RERE: variants seen among roughly 807,000 people sequenced by gnomAD.
RERE encodes arginine-glutamic acid dipeptide repeats protein.
RERE carries 40 observed loss-of-function variants against 146.1 expected under a neutral mutation model. The ratio of observed to expected loss-of-function variants is 0.27; its 90% CI spans 0.21 to 0.36. The LOEUF is 0.36. Among genes scored for constraint, RERE ranks in the 10% least tolerant of loss-of-function variants. The pLI, the probability that RERE is intolerant of heterozygous loss-of-function variation, is 1.00. For missense variants in RERE, 1,933 were observed against 2,138.7 expected, an observed-to-expected ratio of 0.90 and a Z score of 1.90; for synonymous variants, 1,003 against 866.0, an observed-to-expected ratio of 1.16 and a Z score of -2.78.
At chr1:8,499,511 T>G (rs1645100499) in intron 8 of RERE, among the ~76,000 whole-genome samples, 2 of 152,220 alleles carry the variant, frequency 1.3e-5, no homozygotes, top group Admixed American at 1.3e-4. Context: ...ACCCAGTGTG[T>G]GTACATCCTC....
At chr1:8,815,411 G>C (rs1291250339) in intron 1 of RERE, among the ~76,000 whole-genome samples, 1 of 152,104 alleles carries the variant, frequency 6.6e-6, no homozygotes, top group Non-Finnish European at 1.5e-5. Context: ...TAAGACTCAA[G>C]TGAACAAATC....
intron 12 of RERE, among the ~76,000 whole-genome samples, chr1:8,409,533 TTTACCTTAAAATCCAGGGC>T (rs1477583465): frequency 6.6e-6 from 1 of 152,176 alleles, no homozygotes; most frequent in African/African-American, 2.4e-5. Flanking sequence ...AAGCAATGAT[TTTACCTTAAAATCCAGGGC>T]TCCTAGGCCA....
intron 6 of RERE, among the ~76,000 whole-genome samples, chr1:8,555,735 A>G (rs1645999751): frequency 6.6e-6 from 1 of 152,224 alleles, no homozygotes. Context: ...AAAATGAGCC[A>G]TTATGGGCAT....
chr1:8,705,983 G>A (rs543984690), intron 1 of RERE, among the ~76,000 whole-genome samples: 1 of 151,992 alleles, frequency 6.6e-6, no homozygotes, highest in South Asian at 2.1e-4. Context: ...GGGCGTGGTG[G>A]CGGCCACCTG....
At chr1:8,562,556 A>T (rs1646091115) in intron 4 of RERE, among the ~76,000 whole-genome samples, 1 of 152,096 alleles carries the variant, frequency 6.6e-6, no homozygotes, top group Non-Finnish European at 1.5e-5. Flanking sequence ...TGGCACCATC[A>T]TGGCTCACTG....
intron 6 of RERE, among the ~76,000 whole-genome samples, chr1:8,544,043 C>G (rs1383613882): frequency 6.6e-6 from 1 of 152,104 alleles, no homozygotes; most frequent in Non-Finnish European, 1.5e-5. Flanking sequence ...GGAAATGTCT[C>G]TCATGTGTTC....
At chr1:8,725,781 T>G (rs1230789660) in intron 1 of RERE, among the ~76,000 whole-genome samples, 1 of 152,096 alleles carries the variant, frequency 6.6e-6, no homozygotes, top group African/African-American at 2.4e-5. Context: ...AGGATTAGAT[T>G]TCCCTGAAAA....
At chr1:8,551,220 T>C (rs931130292) in intron 6 of RERE, among the ~76,000 whole-genome samples, 1 of 152,208 alleles carries the variant, frequency 6.6e-6, no homozygotes, top group Non-Finnish European at 1.5e-5. Context: ...TCTCCTGTGC[T>C]GCCCTCCACA....
intron 1 of RERE, among the ~76,000 whole-genome samples, chr1:8,671,876 G>A (rs779811379): frequency 6.6e-6 from 1 of 152,122 alleles, no homozygotes; most frequent in South Asian, 2.1e-4. Context: ...TTTAAAGTAA[G>A]TGATATGAAA....
Position 8,356,059 on chromosome 1 carries a change from C to T in RERE, c.4486+41G>A, listed in dbSNP as rs756577579. The T allele has an allele frequency of 2.1e-6, 3 of 1,459,372 alleles. No homozygotes were observed. Among genetic ancestry groups the T allele is most frequent in the Non-Finnish European group, 2.7e-6 (3 of 1,108,086 alleles). The allele number at this position is 1,459,372 out of a possible 1,614,324, so 90.4% of individuals were successfully genotyped here. A position where few individuals can be genotyped will look rare whatever the true frequency, so the allele number is the denominator to read the frequency against. The stretch of plus-strand genomic sequence containing the variant: ...CAGCAGACCAGACCCCAACCCAACC[C>T]TCACACGGCCTCCCCGCCCCTCCTG... On this transcript the variant is annotated intron_variant, in intron 21 of 22. Transcript: ENST00000400908. The surrounding 1 kb of genome is among the most constrained non-coding windows in gnomAD (Gnocchi z 5.2).
At chr1:8,782,647 T>C (rs1175601611) in intron 1 of RERE, among the ~76,000 whole-genome samples, 1 of 152,232 alleles carries the variant, frequency 6.6e-6, no homozygotes, top group African/African-American at 2.4e-5. Flanking sequence ...GGCTCACACC[T>C]GTAATCCCAG....
intron 1 of RERE, among the ~76,000 whole-genome samples, chr1:8,693,790 T>C (rs1197874964): frequency 1.3e-5 from 2 of 152,116 alleles, no homozygotes; most frequent in Admixed American, 6.5e-5. Flanking sequence ...ACAATAACAA[T>C]GTACCAAACT....
chr1:8,402,020 GC>G (rs1422573241), intron 12 of RERE, among the ~76,000 whole-genome samples: 1 of 152,020 alleles, frequency 6.6e-6, no homozygotes, highest in Non-Finnish European at 1.5e-5. Context: ...ACAGGCGTGC[GC>G]CACCACACAG....
intron 4 of RERE, among the ~76,000 whole-genome samples, chr1:8,566,199 C>T (rs1646150512): frequency 6.6e-6 from 1 of 152,232 alleles, no homozygotes. Flanking sequence ...TCTGCATCCA[C>T]TCTCAGTGGG....
At chr1:8,476,781 G>A (rs1379938569) in intron 10 of RERE, among the ~76,000 whole-genome samples, 4 of 152,192 alleles carry the variant, frequency 2.6e-5, no homozygotes, top group African/African-American at 2.4e-5. Flanking sequence ...GCGGACCTGC[G>A]TCCTTCGCTT....
chr1:8,815,030 C>T (rs1270960481), intron 1 of RERE, among the ~76,000 whole-genome samples: 1 of 152,146 alleles, frequency 6.6e-6, no homozygotes, highest in African/African-American at 2.4e-5. Context: ...AGCCATTAAT[C>T]CCCTCCCCCA....
intron 8 of RERE, among the ~76,000 whole-genome samples, chr1:8,498,730 TATACAC>T (rs1645083287): frequency 2.5e-4 from 3 of 11,858 alleles, no homozygotes; most frequent in African/African-American, 5.7e-4. Context: ...AAAATAAATA[TATACAC>T]ACACACACAC....
intron 12 of RERE, among the ~76,000 whole-genome samples, chr1:8,412,060 C>T (rs1643631268): frequency 1.3e-5 from 2 of 152,176 alleles, no homozygotes; most frequent in Non-Finnish European, 2.9e-5. Flanking sequence ...ATCTTAGAAG[C>T]CCTGTGCCTA....
intron 1 of RERE, among the ~76,000 whole-genome samples, chr1:8,799,707 C>T (rs753393776): frequency 4.0e-5 from 6 of 151,894 alleles, no homozygotes; most frequent in Non-Finnish European, 7.4e-5. Flanking sequence ...AGGCCCAAAA[C>T]AAATTCGTAA....
Sources: gnomAD v4.1 joint callset for allele counts (sites outside exome capture counted in the v4.1 genomes callset) on GRCh38, gnomAD v4.1.1 for gene constraint, Gnocchi (gnomAD v3.1) non-coding constraint, MANE v1.5 for transcripts, NCBI Gene and HGNC (gene_info 2026-07-23, HGNC 2026-07-21) for gene names.